The following ZNF514 variants were observed in gnomAD, a reference collection of about 807,000 sequenced individuals.
ZNF514 encodes the protein zinc finger protein 514.
ZNF514 carries 12 observed loss-of-function variants against 9.7 expected under a neutral mutation model. That is an observed-to-expected ratio of 1.24 (90% CI 0.79 to 2.01). The LOEUF is 2.01. Among genes scored for constraint, ZNF514 ranks in the 30% most tolerant of loss-of-function variants. ZNF514 has a pLI of 0.00. For missense variants in ZNF514, 467 were observed against 465.5 expected, an observed-to-expected ratio of 1.00 and a Z score of -0.03; for synonymous variants, 158 against 163.7, an observed-to-expected ratio of 0.97 and a Z score of 0.27.
At chr2:95,144,106 A>G (rs1374912507), downstream of ZNF514, among the ~76,000 whole-genome samples, 2 of 152,212 alleles carry the variant, frequency 1.3e-5, no homozygotes, top group Non-Finnish European at 2.9e-5. Flanking sequence ...TGTTGATAGC[A>G]CTCTGCTTGG....
the ZNF514 span, among the ~76,000 whole-genome samples, chr2:95,138,440 A>G: frequency 3.9e-5 from 6 of 152,338 alleles, no homozygotes; most frequent in South Asian, 1.2e-3. Flanking sequence ...ATTGAGAACC[A>G]AAGCAAAGGT....
Position 95,149,117 on chromosome 2 carries a change from C to T in ZNF514, c.*165G>A. The T allele has an allele frequency of 4.7e-6, 4 of 857,160 alleles. No homozygotes were observed. Among genetic ancestry groups the T allele is most frequent in the Non-Finnish European group, 6.9e-6 (4 of 579,808 alleles). The allele number at this position is 857,160 out of a possible 1,614,324, so 53.1% of individuals were successfully genotyped here. A position where few individuals can be genotyped will look rare whatever the true frequency, so the allele number is the denominator to read the frequency against. On this transcript the variant is annotated 3_prime_UTR_variant, in exon 5 of 5. Coordinates refer to ENST00000295208, the MANE Select transcript of ZNF514 (RefSeq NM_032788.3). ...TTGGTAAGAGAGGGGAAGCCCACCC[C>T]CTCTTGACATTGACAGGGATTCTCT...
In ZNF514 at chr2:95,149,431, C is replaced by T. The variant is rs755860402; in HGVS notation, c.1054G>A (p.Ala352Thr). Reference protein sequence around the residue: ...KPYKCNKCGRAFSQSSSLTQH... With the variant: ...KPYKCNKCGRTFSQSSSLTQH... ...GTGAGAGATGAACTCTGGCTGAAGG[C>T]TCTCCCACATTTATTACATTTGTAA... The change falls in exon 5 of 5, where the codon GCC (alanine) becomes ACC (threonine). Residue 352 changes from alanine (A) to threonine (T), a missense_variant. By Grantham distance (58) the Ala-to-Thr change is moderately conservative. Transcript: ENST00000295208. The T allele has an allele frequency of 5.0e-6, 8 of 1,613,962 alleles. No homozygotes were observed. In the Admixed American group the frequency reaches 1.3e-4, roughly 27 times the overall value.
At chr2:95,139,539 T>C in the ZNF514 span, among the ~76,000 whole-genome samples, 3 of 152,202 alleles carry the variant, frequency 2.0e-5, no homozygotes, top group Admixed American at 2.0e-4. Flanking sequence ...TTTTCTCCCA[T>C]TTGGAATAGG....
At chr2:95,139,665 C>T in the ZNF514 span, among the ~76,000 whole-genome samples, 6 of 152,146 alleles carry the variant, frequency 3.9e-5, no homozygotes, top group African/African-American at 1.2e-4. Context: ...AAACTTGAGA[C>T]TTCAGACTTT....
chr2:95,158,456 T>C (rs1046319327), intron 1 of ZNF514, among the ~76,000 whole-genome samples: 17 of 152,186 alleles, frequency 1.1e-4, no homozygotes, highest in Admixed American at 1.0e-3. Context: ...GTCACCTGGA[T>C]TGCCCTGCCC....
the ZNF514 span, among the ~76,000 whole-genome samples, chr2:95,124,854 T>G: frequency 6.6e-6 from 1 of 151,882 alleles, no homozygotes; most frequent in African/African-American, 2.4e-5. Context: ...CATTCATGTA[T>G]GTGATTTTTT....
chr2:95,151,057 C>T (rs753697179), intron 4 of ZNF514, among the ~76,000 whole-genome samples: 1 of 152,154 alleles, frequency 6.6e-6, no homozygotes, highest in Non-Finnish European at 1.5e-5. Flanking sequence ...ATACATATAA[C>T]ATGTATCATA....
Position 95,146,829 on chromosome 2 carries a change from G to A in ZNF514, c.*2453C>T, listed in dbSNP as rs150972936. 5.9e-5 allele frequency among the ~76,000 whole-genome samples: 9 copies of A among 151,906 alleles called. No individual in the cohort carries two copies. The highest frequency in any genetic ancestry group is 8.8e-5 in the Non-Finnish European group (6 of 67,962). On this transcript the variant is annotated 3_prime_UTR_variant, in exon 5 of 5. Coordinates refer to ENST00000295208, the MANE Select transcript of ZNF514 (RefSeq NM_032788.3). The stretch of plus-strand genomic sequence containing the variant: ...GGGCACTGGGAAAAAAGGGAGAGAC[G>A]GAGCAAGAAAATATTTGCTATTTCT...
the ZNF514 span, among the ~76,000 whole-genome samples, chr2:95,126,402 A>AAGAG: frequency 4.0e-5 from 6 of 150,320 alleles, no homozygotes; most frequent in Admixed American, 3.3e-4. Context: ...AAAAGAAAGA[A>AAGAG]AGAAAGAAAG....
rs761139200 is a variant in ZNF514 at position 95,149,653 on chromosome 2, G to A, written c.832C>T (p.His278Tyr). The A allele has an allele frequency of 6.2e-6, 10 of 1,614,080 alleles. No homozygotes were observed. The Admixed American group carries it at 6.7e-5, about 11-fold the overall frequency. ...AFSQSSSLVL[H>Y]YRFHTGEKPY... ...TTCTCTCCAGTGTGAAATCTATAGTGCAGAACAAGAGACGAACTCTGGCTG... is the reference window on the plus strand; with the variant it reads ...TTCTCTCCAGTGTGAAATCTATAGTACAGAACAAGAGACGAACTCTGGCTG... Residue 278 changes from histidine (H) to tyrosine (Y), a missense_variant, in exon 5 of 5, where the codon CAC becomes TAC. His to Tyr is a moderately conservative substitution (Grantham distance 83). Coordinates refer to ENST00000295208, the MANE Select transcript of ZNF514 (RefSeq NM_032788.3).
intron 4 of ZNF514, 40 bp from the exon 5 acceptor site, chr2:95,150,307 T>G (rs753957201): frequency 1.1e-5 from 17 of 1,501,792 alleles, no homozygotes; most frequent in African/African-American, 1.4e-5. Context: ...CATTCTAGTA[T>G]GTAGAATGTC....
downstream of ZNF514, among the ~76,000 whole-genome samples, chr2:95,141,430 G>A (rs1357221595): frequency 2.0e-5 from 3 of 152,064 alleles, no homozygotes; most frequent in East Asian, 1.9e-4. Flanking sequence ...CCCTGGGGAC[G>A]TATCAGTTCT....
downstream of ZNF514, among the ~76,000 whole-genome samples, chr2:95,144,787 A>G (rs143008310): frequency 3.5e-3 from 526 of 152,308 alleles, 4 homozygotes; most frequent in African/African-American, 0.012. Flanking sequence ...CATGGCTGTT[A>G]TCTGAAGTGA....
chr2:95,151,565 G>A (rs1673547421), intron 4 of ZNF514, among the ~76,000 whole-genome samples: 2 of 152,208 alleles, frequency 1.3e-5, no homozygotes, highest in Non-Finnish European at 2.9e-5. Context: ...ACATGAGTTT[G>A]TGTTGTTTAA....
rs1673391545 is a variant in ZNF514 at position 95,147,574 on chromosome 2, G to C, written c.*1708C>G. ...AGAAAATACCTGGTCTCTGGCATCT[G>C]CCTTCTTTCACTTAGAATCACGTTT... On this transcript the variant is annotated 3_prime_UTR_variant, in exon 5 of 5. Transcript: ENST00000295208. The C allele has an allele frequency of 6.6e-6, 1 of 151,506 alleles. No homozygotes were observed. The highest frequency in any genetic ancestry group is 2.4e-5 in the African/African-American group (1 of 41,256). The allele number at this position is 151,506 out of a possible 1,614,324, so 9.4% of individuals were successfully genotyped here. A position where few individuals can be genotyped will look rare whatever the true frequency, so the allele number is the denominator to read the frequency against.
At chr2:95,127,137 C>T in the ZNF514 span, among the ~76,000 whole-genome samples, 1 of 152,168 alleles carries the variant, frequency 6.6e-6, no homozygotes. Context: ...GCTACAAGTA[C>T]CTTTGGGGAA....
In ZNF514 at chr2:95,159,615, GCCCGCCACCCCGCGCCAGCCCC is replaced by G. The variant is rs1410641016; in HGVS notation, c.-493_-472del. 5 of 40,684 alleles carry G rather than the reference GCCCGCCACCCCGCGCCAGCCCC, an allele frequency of 1.2e-4. No individual in the cohort carries two copies. In the East Asian group the frequency reaches 2.4e-3, roughly 20 times the overall value. The allele number at this position is 40,684 out of a possible 1,614,324, so 2.5% of individuals were successfully genotyped here. ...CGCCCGCCACCCCGCGCCAGCCCCC[GCCCGCCACCCCGCGCCAGCCCC>G]CGCCCGCCACCCCGCGCCAGCCCCC... On this transcript the variant is annotated 5_prime_UTR_variant, in exon 1 of 5. Coordinates refer to ENST00000295208, the MANE Select transcript of ZNF514 (RefSeq NM_032788.3).
intron 3 of ZNF514, 54 bp from the exon 4 acceptor site, chr2:95,152,823 T>C (rs1673581493): frequency 2.7e-6 from 4 of 1,466,612 alleles, no homozygotes; most frequent in South Asian, 1.1e-5. Context: ...GGCCAAGTCT[T>C]TGGATATTCA....
Sources: gnomAD v4.1 joint callset for allele counts (sites outside exome capture counted in the v4.1 genomes callset) on GRCh38, gnomAD v4.1.1 for gene constraint, MANE v1.5 for transcripts, NCBI Gene and HGNC (gene_info 2026-07-23, HGNC 2026-07-21) for gene names.